GALP: variants seen among roughly 807,000 people sequenced by gnomAD.
GALP encodes galanin like peptide.
GALP carries 12 observed loss-of-function variants against 15.2 expected under a neutral mutation model. That is an observed-to-expected ratio of 0.79 (90% CI 0.51 to 1.28). The LOEUF is 1.28. GALP is among the 50% of genes most tolerant of loss of function. The probability of loss-of-function intolerance (pLI) is 0.00; values close to 1 mark genes in which losing one functional copy is unlikely to be tolerated. For missense variants in GALP, 161 were observed against 145.6 expected, an observed-to-expected ratio of 1.11 and a Z score of -0.55; for synonymous variants, 58 against 55.1, an observed-to-expected ratio of 1.05 and a Z score of -0.23.
intron 2 of GALP, 44 bp downstream of exon 2, chr19:56,177,239 TC>T: frequency 6.7e-7 from 1 of 1,490,618 alleles, no homozygotes. Context: ...TGTCCCCAAA[TC>T]CCTGCCCTCT....
rs1468493002 is a variant in GALP, at chr19:56,178,763, A to G, written c.87+1568A>G. On this transcript the variant is annotated intron_variant, in intron 2 of 5. Transcript: ENST00000357330. ...CGCTTGGCGTTGTGTGAAACCCGTG[A>G]TGTGAATTAGCTAATTCTACCCCAC... Among the ~76,000 whole-genome samples the G allele has an allele frequency of 2.0e-5, 3 of 152,192 alleles. No individual in the cohort carries two copies. The East Asian group carries it at 5.8e-4, about 29-fold the overall frequency.
At chr19:56,179,233 G>A (rs973377941) in intron 2 of GALP, among the ~76,000 whole-genome samples, 17 of 151,418 alleles carry the variant, frequency 1.1e-4, no homozygotes, top group Non-Finnish European at 2.2e-4. Flanking sequence ...CTGGGTTTGA[G>A]TCCCAGCTGT....
Position 56,176,954 on chromosome 19 carries a change from G to T in GALP, c.-39-116G>T, listed in dbSNP as rs533377723. On this transcript the variant is annotated intron_variant, in intron 1 of 5. Transcript: ENST00000357330. ...CTCAAGATGTGTACATTAAATGTGC[G>T]CCATTTTTGTATCTCGATGATGCCT... is the stretch of plus-strand genomic sequence containing the variant. 5.1e-6 allele frequency: 3 copies of T among 583,614 alleles called. No homozygotes were observed. The South Asian group carries it at 5.9e-5, about 12-fold the overall frequency. The allele number at this position is 583,614 out of a possible 1,614,324, so 36.2% of individuals were successfully genotyped here.
In GALP at chr19:56,182,250, T is replaced by C; in HGVS notation, c.215T>C (p.Ile72Thr). The change falls in exon 4 of 6, where the codon ATC becomes ACC. Residue 72 changes from isoleucine to threonine, a missense_variant and splice_region_variant. Physicochemically the swap from Ile to Thr is moderately conservative, Grantham distance 89 (BLOSUM62 -1). Transcript: ENST00000357330. ...GAGATCCTAGACCTGTGGAAGGCCA[T>C]CGGTGAGTGAGCGGGGAGTTAGACG... is the stretch of plus-strand genomic sequence containing the variant. Reference protein sequence around the residue: ...ALEILDLWKAIDGLPYSHPPQ... With the variant: ...ALEILDLWKATDGLPYSHPPQ... 6.2e-7 allele frequency: 1 copy of C among 1,612,304 alleles called. No homozygotes were observed. The highest frequency in any genetic ancestry group is 1.6e-4 in the Middle Eastern group (1 of 6,062).
chr19:56,184,179 C>T (rs1318822714), intron 5 of GALP, among the ~76,000 whole-genome samples: 1 of 152,102 alleles, frequency 6.6e-6, no homozygotes, highest in Non-Finnish European at 1.5e-5. Context: ...TGGTATCCAA[C>T]TCCTGATCTC....
chr19:56,176,805 G>A (rs1321373916), intron 1 of GALP, among the ~76,000 whole-genome samples: 2 of 152,006 alleles, frequency 1.3e-5, no homozygotes, highest in East Asian at 1.9e-4. Context: ...GTAAGGGGAC[G>A]GAAAGGTTTG....
chr19:56,176,494 G>A (rs1213675614), intron 1 of GALP, among the ~76,000 whole-genome samples: 1 of 97,948 alleles, frequency 1.0e-5, no homozygotes, highest in Non-Finnish European at 2.0e-5. Flanking sequence ...GCAGAGGGGC[G>A]GATCCCAGCT....
chr19:56,180,433 C>T (rs1339017277), intron 2 of GALP, among the ~76,000 whole-genome samples, 153 bp from the exon 3 acceptor site: 1 of 152,170 alleles, frequency 6.6e-6, no homozygotes, highest in Non-Finnish European at 1.5e-5. Flanking sequence ...CTCAGGAAGT[C>T]CTCAATTTCC....
chr19:56,179,474 TTA>T (rs202004071), intron 2 of GALP, among the ~76,000 whole-genome samples: 13 of 148,776 alleles, frequency 8.7e-5, no homozygotes, highest in Admixed American at 6.1e-4. Flanking sequence ...CGCCCGGCTA[TTA>T]TATATATATA....
chr19:56,176,811 G>A (rs1049542310), intron 1 of GALP, among the ~76,000 whole-genome samples: 12 of 151,900 alleles, frequency 7.9e-5, no homozygotes, highest in African/African-American at 2.9e-4. Context: ...GGACGGAAAG[G>A]TTTGAAGATG....
At chr19:56,184,262 T>C (rs2032617201) in intron 5 of GALP, among the ~76,000 whole-genome samples, 1 of 152,114 alleles carries the variant, frequency 6.6e-6, no homozygotes, top group African/African-American at 2.4e-5. Flanking sequence ...GGGACCGTTG[T>C]ATTGTTCACT....
Position 56,185,471 on chromosome 19 carries a change from A to G in GALP, c.*201A>G. On this transcript the variant is annotated 3_prime_UTR_variant, in exon 6 of 6. Transcript: ENST00000357330. ...ATTGATTCATCCTTGAAATCAGTATAATGTGCTATTAATGGAACCAATAGT... is the reference window on the plus strand; with the variant it reads ...ATTGATTCATCCTTGAAATCAGTATGATGTGCTATTAATGGAACCAATAGT... 2.1e-6 allele frequency: 1 copy of G among 468,760 alleles called. No individual in the cohort carries two copies. 29.0% of individuals were successfully genotyped at this position (468,760 alleles called of 1,614,324 possible). A position where few individuals can be genotyped will look rare whatever the true frequency, so the allele number is the denominator to read the frequency against.
chr19:56,176,956 C>T (rs1310033760), intron 1 of GALP, 114 bp from the exon 2 acceptor site: 1 of 588,714 alleles, frequency 1.7e-6, no homozygotes, highest in Admixed American at 3.1e-5. Context: ...AAATGTGCGC[C>T]ATTTTTGTAT....
Position 56,180,570 on chromosome 19 carries a change from C to G in GALP, c.88-16C>G. The G allele has an allele frequency of 7.4e-6, 12 of 1,612,984 alleles. No individual in the cohort carries two copies. The highest frequency in any genetic ancestry group is 1.0e-5 in the Non-Finnish European group (12 of 1,179,020). ...TTTCTGTCTGCTTGAGTCTTGATTT[C>G]TGCATCTCTATCCAGGGACGAGGAG... On this transcript the variant is annotated splice_polypyrimidine_tract_variant and intron_variant, in intron 2 of 5. Transcript: ENST00000357330.
At chr19:56,183,659 G>A (rs1355900557) in intron 5 of GALP, among the ~76,000 whole-genome samples, 1 of 152,158 alleles carries the variant, frequency 6.6e-6, no homozygotes, top group African/African-American at 2.4e-5. Context: ...GTGCAATGGT[G>A]CGATCTTGGC....
intron 2 of GALP, among the ~76,000 whole-genome samples, chr19:56,178,521 C>CAAAAAAAAAAAAAAAA (rs80223966): frequency 1.6e-4 from 14 of 85,764 alleles, no homozygotes; most frequent in African/African-American, 3.5e-4. Context: ...ACAACAACAA[C>CAAAAAAAAAAAAAAAA]AAAAAAAAAA....
At chr19:56,181,983 C>T (rs1016607848) in intron 3 of GALP, among the ~76,000 whole-genome samples, 189 bp from the exon 4 acceptor site, 3 of 152,150 alleles carry the variant, frequency 2.0e-5, no homozygotes, top group African/African-American at 4.8e-5. Flanking sequence ...AGGGTAATTT[C>T]GAGCAAGTGA....
chr19:56,180,869 C>G (rs924616237), intron 3 of GALP, among the ~76,000 whole-genome samples: 1 of 149,880 alleles, frequency 6.7e-6, no homozygotes, highest in Non-Finnish European at 1.5e-5. Context: ...ACCTTGATCT[C>G]TCTCTCTCTC....
chr19:56,178,090 G>T (rs1336300277), intron 2 of GALP, among the ~76,000 whole-genome samples: 1 of 151,636 alleles, frequency 6.6e-6, no homozygotes, highest in African/African-American at 2.4e-5. Context: ...CCTTGATGGA[G>T]TCACTCCGCA....
Sources: allele counts gnomAD v4.1 joint callset (sites outside exome capture counted in the v4.1 genomes callset), GRCh38; gene constraint gnomAD v4.1.1; transcripts MANE v1.5; gene names NCBI Gene and HGNC (gene_info 2026-07-23, HGNC 2026-07-21).